The following ADCY1 variants were observed in gnomAD, a reference collection of about 807,000 sequenced individuals.
ADCY1 encodes the protein adenylate cyclase 1, also known as adenylate cyclase type 1.
Under a neutral mutation model 105.4 loss-of-function variants are expected in ADCY1, and 28 were observed. That is an observed-to-expected ratio of 0.27 (90% CI 0.20 to 0.36). The LOEUF (loss-of-function observed/expected upper bound fraction) is 0.36. Ranked by LOEUF, ADCY1 falls within the 10% of genes least tolerant of loss-of-function variation. ADCY1 has a pLI of 1.00. For missense variants in ADCY1, 977 were observed against 1,434.2 expected (o/e 0.68, Z 5.15); for synonymous variants, 655 against 623.8 (o/e 1.05, Z -0.75).
At chr7:45,610,837 T>TGAGGAGGTGATGGAGGTGGGAAGGTGATG (rs1793545483) in intron 3 of ADCY1, among the ~76,000 whole-genome samples, 3 of 86,506 alleles carry the variant, frequency 3.5e-5, no homozygotes, top group Admixed American at 1.3e-4. Context: ...ATAGTGGAGG[T>TGAGGAGGTGATGGAGGTGGGAAGGTGATG]GTGGAGGCGA....
chr7:45,641,104 G>C (rs1009067092), intron 4 of ADCY1, among the ~76,000 whole-genome samples: 1 of 152,198 alleles, frequency 6.6e-6, no homozygotes, highest in African/African-American at 2.4e-5. Flanking sequence ...CCAGGAGACA[G>C]AGCTGTCCCT....
intron 14 of ADCY1, among the ~76,000 whole-genome samples, chr7:45,691,449 G>A (rs80109008): frequency 0.036 from 5,515 of 152,314 alleles, 155 homozygotes; most frequent in Admixed American, 0.077. Flanking sequence ...ACATTAGAGT[G>A]CCTCAAACTA....
intron 4 of ADCY1, among the ~76,000 whole-genome samples, chr7:45,642,850 T>C (rs1024796499): frequency 2.6e-5 from 4 of 152,200 alleles, no homozygotes; most frequent in African/African-American, 9.7e-5. Context: ...AGGTTTTTAA[T>C]TCCCTAATTT....
chr7:45,581,050 G>A (rs58525807), intron 1 of ADCY1, among the ~76,000 whole-genome samples: 4,545 of 152,258 alleles, frequency 0.03, 73 homozygotes, highest in African/African-American at 0.04. Flanking sequence ...ACGGAAGCTG[G>A]TGGGCATGTG....
intron 8 of ADCY1, chr7:45,664,634 G>A: frequency 1.4e-6 from 1 of 708,912 alleles, no homozygotes; most frequent in Non-Finnish European, 2.0e-6. Flanking sequence ...TCTTAAGTTT[G>A]TGTGTCTGTA....
At chr7:45,622,325 G>T (rs1324095896) in intron 3 of ADCY1, among the ~76,000 whole-genome samples, 1 of 152,122 alleles carries the variant, frequency 6.6e-6, no homozygotes, top group Non-Finnish European at 1.5e-5. Context: ...GGGGAGGCAG[G>T]TCTAGTGGAG....
intron 4 of ADCY1, among the ~76,000 whole-genome samples, chr7:45,628,714 CT>C (rs1233151318): frequency 6.6e-6 from 1 of 152,192 alleles, no homozygotes; most frequent in African/African-American, 2.4e-5. Flanking sequence ...AATACTCTGT[CT>C]TCTGCAACCT....
chr7:45,575,299 C>T lies in ADCY1; in HGVS notation c.639+117C>T. 2.3e-6 allele frequency: 3 copies of T among 1,307,278 alleles called. No individual in the cohort carries two copies. The highest frequency in any genetic ancestry group is 1.5e-5 in the South Asian group (1 of 65,886). The allele number at this position is 1,307,278 out of a possible 1,614,324, so 81.0% of individuals were successfully genotyped here. A position where few individuals can be genotyped will look rare whatever the true frequency, so the allele number is the denominator to read the frequency against. ...GCGGCGGGTGGGGACACTGAGGCTCCGAGTGGGGGTGTGTTCAAGGTCACT... is the reference window on the plus strand; with the variant it reads ...GCGGCGGGTGGGGACACTGAGGCTCTGAGTGGGGGTGTGTTCAAGGTCACT... On this transcript the variant is annotated intron_variant, in intron 1 of 19. Transcript: ENST00000297323. This position sits in a 1 kb window ranked among gnomAD's most constrained non-coding sequence, Gnocchi z 4.7.
chr7:45,697,126 C>T (rs1297620584), intron 14 of ADCY1, among the ~76,000 whole-genome samples: 1 of 152,126 alleles, frequency 6.6e-6, no homozygotes, highest in Non-Finnish European at 1.5e-5. Context: ...GATCAATTTC[C>T]AGCAGATCCT....
rs1784638770 is a variant in ADCY1, at chr7:45,685,060, G to A, written c.2065G>A (p.Gly689Ser). Residue 689 changes from glycine (G) to serine (S), a missense_variant, in exon 12 of 20, where the codon GGT becomes AGT. Gly to Ser is a moderately conservative substitution (Grantham distance 56). Coordinates refer to ENST00000297323, the MANE Select transcript of ADCY1 (RefSeq NM_021116.4). ...GGTCTTAATCTACTCAGTAGCCCAA[G>A]GTTGTGTGGTGAGCATCTCCAGCTT... ...IVVLIYSVAQ[G>S]CVVGCLPWAW... 2.5e-6 allele frequency: 4 copies of A among 1,613,816 alleles called. No homozygotes were observed. The highest frequency in any genetic ancestry group is 1.3e-5 in the African/African-American group (1 of 74,930).
At chr7:45,641,517 A>G (rs891484026) in intron 4 of ADCY1, among the ~76,000 whole-genome samples, 1 of 152,068 alleles carries the variant, frequency 6.6e-6, no homozygotes, top group Admixed American at 6.5e-5. Context: ...TAACTCTATC[A>G]TCTGAGAACT....
intron 2 of ADCY1, among the ~76,000 whole-genome samples, chr7:45,607,903 C>T (rs1438433056): frequency 6.6e-6 from 1 of 152,226 alleles, no homozygotes; most frequent in African/African-American, 2.4e-5. Flanking sequence ...GATGTACATA[C>T]ACATGTATGT....
At chr7:45,662,683 G>A (rs1795163018) in intron 8 of ADCY1, among the ~76,000 whole-genome samples, 1 of 152,060 alleles carries the variant, frequency 6.6e-6, no homozygotes, top group South Asian at 2.1e-4. Context: ...GCCTGCAGAT[G>A]GCCTTCCTCT....
Position 45,574,559 on chromosome 7 carries a change from CGCGGCGGAGGCG to C in ADCY1, c.32_43del (p.Gly11_Gly14del), listed in dbSNP as rs968371618. The C allele has an allele frequency of 1.4e-4, 135 of 977,018 alleles. No homozygotes were observed. Among genetic ancestry groups the C allele is most frequent in the Admixed American group, 7.7e-4 (12 of 15,562 alleles). 60.5% of individuals were successfully genotyped at this position (977,018 alleles called of 1,614,324 possible). ...TGGCGCTGAGATGGCGGGGGCGCCGCGCGGCGGAGGCGGCGGCGGAGGCGGCGCGGGCGAGCC... is the reference window on the plus strand; with the variant it reads ...TGGCGCTGAGATGGCGGGGGCGCCGCGCGGCGGAGGCGGCGCGGGCGAGCC... On this transcript the variant is annotated inframe_deletion, in exon 1 of 20. Transcript: ENST00000297323. The surrounding 1 kb of genome is among the most constrained non-coding windows in gnomAD (Gnocchi z 7.0).
At chr7:45,598,498 A>G (rs74918697) in intron 2 of ADCY1, among the ~76,000 whole-genome samples, 16,748 of 152,256 alleles carry the variant, frequency 0.11, 983 homozygotes, top group African/African-American at 0.17. Context: ...AATAAGGAGC[A>G]TGAGGGATGA....
intron 14 of ADCY1, among the ~76,000 whole-genome samples, chr7:45,693,977 A>AG (rs1200202744): frequency 1.2e-5 from 1 of 82,180 alleles, no homozygotes; most frequent in Non-Finnish European, 2.3e-5. Context: ...GGGTCGGGGG[A>AG]GGGGGGAGGG....
chr7:45,643,973 T>C (rs1312698314), intron 4 of ADCY1, among the ~76,000 whole-genome samples: 1 of 152,212 alleles, frequency 6.6e-6, no homozygotes, highest in Non-Finnish European at 1.5e-5. Context: ...TTTCAGCTCT[T>C]CTGCGCTATC....
chr7:45,673,212 C>T lies in ADCY1; in HGVS notation c.1606-4657C>T, dbSNP rs557534079. Among the ~76,000 whole-genome samples the T allele has an allele frequency of 3.3e-5, 5 of 152,114 alleles. No individual in the cohort carries two copies. In the South Asian group the frequency reaches 1.0e-3, roughly 32 times the overall value. On this transcript the variant is annotated intron_variant, in intron 8 of 19. Transcript: ENST00000297323. ...TTTTGTTAGATTTTTTTTATATCTA[C>T]ATCCATGAGGGATATTGGCCTGTAG...
chr7:45,597,978 A>G (rs1793123320), intron 2 of ADCY1, among the ~76,000 whole-genome samples: 2 of 152,226 alleles, frequency 1.3e-5, no homozygotes, highest in Admixed American at 1.3e-4. Flanking sequence ...CAAAACAAAG[A>G]AACAGAACAA....
Sources: allele counts gnomAD v4.1 joint callset (sites outside exome capture counted in the v4.1 genomes callset), GRCh38; gene constraint gnomAD v4.1.1; non-coding constraint Gnocchi (gnomAD v3.1); transcripts MANE v1.5; gene names NCBI Gene and HGNC (gene_info 2026-07-23, HGNC 2026-07-21).